The following NDUFA9 variants were observed in gnomAD, a reference collection of about 807,000 sequenced individuals.
The protein encoded by NDUFA9 is NADH dehydrogenase [ubiquinone] 1 alpha subcomplex subunit 9, mitochondrial.
A neutral mutation model predicts 45.9 loss-of-function variants in NDUFA9; 23 were observed. That is an observed-to-expected ratio of 0.50 (90% confidence interval 0.36 to 0.71). The LOEUF is 0.71. Among genes scored for constraint, NDUFA9 ranks in the 30% least tolerant of loss-of-function variants. The pLI, the probability that NDUFA9 is intolerant of heterozygous loss-of-function variation, is 0.00. For missense variants in NDUFA9, 466 were observed against 488.2 expected (o/e 0.95, Z 0.43); for synonymous variants, 176 against 170.5 (o/e 1.03, Z -0.25).
Position 4,687,269 on chromosome 12 carries a change from G to T in NDUFA9, c.*161G>T. On this transcript the variant is annotated 3_prime_UTR_variant, in exon 11 of 11. Transcript: ENST00000266544. ...TTTTCTTCCTTGATTTACAAAATGA[G>T]AAATGTAGTCACTTAGAACTTGAGC... is the stretch of plus-strand genomic sequence containing the variant. The T allele has an allele frequency of 3.2e-6, 2 of 631,674 alleles. No individual in the cohort carries two copies. Among genetic ancestry groups the T allele is most frequent in the African/African-American group, 1.9e-5 (1 of 54,038 alleles). 39.1% of individuals were successfully genotyped at this position (631,674 alleles called of 1,614,324 possible).
Position 4,688,902 on chromosome 12 carries a change from G to A in NDUFA9, c.*1794G>A, listed in dbSNP as rs1946003276. Reference sequence around the variant, plus strand: ...GAGATGGGTGGATTTAATTTGAAAAGGAACTATAATTCTATAATGCACAGT... The same window carrying A: ...GAGATGGGTGGATTTAATTTGAAAAAGAACTATAATTCTATAATGCACAGT... On this transcript the variant is annotated 3_prime_UTR_variant, in exon 11 of 11. Coordinates refer to ENST00000266544, the MANE Select transcript of NDUFA9 (RefSeq NM_005002.5). 1 of 152,132 alleles carries A rather than the reference G, an allele frequency of 6.6e-6. No homozygotes were observed. Among genetic ancestry groups the A allele is most frequent in the Admixed American group, 6.5e-5 (1 of 15,276 alleles). The allele number at this position is 152,132 out of a possible 1,614,324, so 9.4% of individuals were successfully genotyped here.
chr12:4,691,237 C>G lies in NDUFA9; in HGVS notation c.*4129C>G, dbSNP rs1211563139. Reference sequence around the variant, plus strand: ...AGATCATGCATGTAAAATGCTGAGCCCTGCACATAATAAGAACTAAGTAAA... The same window carrying G: ...AGATCATGCATGTAAAATGCTGAGCGCTGCACATAATAAGAACTAAGTAAA... On this transcript the variant is annotated 3_prime_UTR_variant, in exon 11 of 11. Transcript: ENST00000266544. 6.6e-6 allele frequency: 1 copy of G among 152,036 alleles called. No homozygotes were observed. Among genetic ancestry groups the G allele is most frequent in the Non-Finnish European group, 1.5e-5 (1 of 68,010 alleles). 9.4% of individuals were successfully genotyped at this position (152,036 alleles called of 1,614,324 possible).
chr12:4,686,756 C>G (rs1267461396), intron 10 of NDUFA9, among the ~76,000 whole-genome samples, 182 bp from the exon 11 acceptor site: 2 of 152,122 alleles, frequency 1.3e-5, no homozygotes, highest in Admixed American at 1.3e-4. Context: ...GTCTTAAGCC[C>G]TCTTTGTGTG....
Position 4,657,808 on chromosome 12 carries a change from A to C in NDUFA9, c.379A>C (p.Ile127Leu), listed in dbSNP as rs1353904541. 1 of 1,613,622 alleles carries C rather than the reference A, an allele frequency of 6.2e-7. No homozygotes were observed. The highest frequency in any genetic ancestry group is 8.5e-7 in the Non-Finnish European group (1 of 1,179,660). The change falls in exon 4 of 11, where the codon ATC becomes CTC. Residue 127 changes from isoleucine to leucine, a missense_variant. Transcript: ENST00000266544. ...AGTAGTACAACACAGCAATGTGGTCATCAATCTTATTGGACGAGACTGGGA... is the reference window on the plus strand; with the variant it reads ...AGTAGTACAACACAGCAATGTGGTCCTCAATCTTATTGGACGAGACTGGGA... ...RRVVQHSNVV[I>L]NLIGRDWETK...
intron 1 of NDUFA9, among the ~76,000 whole-genome samples, chr12:4,652,493 A>G (rs1591541510): frequency 6.6e-6 from 1 of 152,222 alleles, no homozygotes; most frequent in African/African-American, 2.4e-5. Context: ...TATTTATGCC[A>G]CCTACAGCCA....
Position 4,688,759 on chromosome 12 carries a change from A to ATG in NDUFA9, c.*1653_*1654dup, listed in dbSNP as rs375884974. On this transcript the variant is annotated 3_prime_UTR_variant, in exon 11 of 11. Coordinates refer to ENST00000266544, the MANE Select transcript of NDUFA9 (RefSeq NM_005002.5). Reference sequence around the variant, plus strand: ...CTAGTTTATTCTCCTGTACACTAGTATGTCAGAATCAGCGTACTAGGGAAA... The same window carrying ATG: ...CTAGTTTATTCTCCTGTACACTAGTATGTGTCAGAATCAGCGTACTAGGGAAA... 1.3e-5 allele frequency: 2 copies of ATG among 151,982 alleles called. No individual in the cohort carries two copies. The highest frequency in any genetic ancestry group is 2.9e-5 in the Non-Finnish European group (2 of 67,964). 9.4% of individuals were successfully genotyped at this position (151,982 alleles called of 1,614,324 possible).
chr12:4,668,625 T>G, intron 7 of NDUFA9, 101 bp downstream of exon 7: 1 of 1,096,416 alleles, frequency 9.1e-7, no homozygotes, highest in South Asian at 1.3e-5. Flanking sequence ...CTCTGTCATT[T>G]TCTTTGTCAA....
At chr12:4,665,779 A>G (rs1241164647) in intron 6 of NDUFA9, among the ~76,000 whole-genome samples, 1 of 148,044 alleles carries the variant, frequency 6.8e-6, no homozygotes, top group African/African-American at 2.5e-5. Context: ...CCATCCTAAT[A>G]GTTCTAAGGT....
intron 4 of NDUFA9, among the ~76,000 whole-genome samples, chr12:4,658,490 A>G (rs1945804426): frequency 6.6e-6 from 1 of 152,194 alleles, no homozygotes; most frequent in Admixed American, 6.5e-5. Context: ...TACCGAATGA[A>G]ATTGTTGACT....
chr12:4,677,354 G>A (rs1945925971), intron 8 of NDUFA9, among the ~76,000 whole-genome samples: 1 of 152,218 alleles, frequency 6.6e-6, no homozygotes, highest in Non-Finnish European at 1.5e-5. Flanking sequence ...TATCATCAGA[G>A]TGAACAGGCA....
chr12:4,666,293 TATC>T (rs1945852841), intron 6 of NDUFA9, among the ~76,000 whole-genome samples: 1 of 152,348 alleles, frequency 6.6e-6, no homozygotes, highest in African/African-American at 2.4e-5. Flanking sequence ...ATTAAATACT[TATC>T]AGATATGTGA....
At chr12:4,650,879 G>A (rs372250984) in intron 1 of NDUFA9, among the ~76,000 whole-genome samples, 27 of 152,272 alleles carry the variant, frequency 1.8e-4, no homozygotes, top group African/African-American at 6.3e-4. Context: ...TAGTGGAAAA[G>A]GAGGTTGAAT....
At chr12:4,677,473 AAGTG>A (rs1324964787) in intron 8 of NDUFA9, among the ~76,000 whole-genome samples, 11 of 152,182 alleles carry the variant, frequency 7.2e-5, no homozygotes, top group African/African-American at 2.4e-4. Context: ...CTTCATCAAA[AAGTG>A]AGCGAAAGAT....
intron 8 of NDUFA9, among the ~76,000 whole-genome samples, chr12:4,675,274 A>C (rs562334350): frequency 2.6e-5 from 4 of 152,206 alleles, no homozygotes; most frequent in Middle Eastern, 3.2e-3. Flanking sequence ...AGCAGGAACA[A>C]ACAAATTTAA....
chr12:4,663,868 G>T (rs1298755388), intron 6 of NDUFA9, among the ~76,000 whole-genome samples: 2 of 152,088 alleles, frequency 1.3e-5, no homozygotes, highest in Admixed American at 1.3e-4. Flanking sequence ...GGACGTTAAG[G>T]GTGATTTTTG....
intron 5 of NDUFA9, among the ~76,000 whole-genome samples, 196 bp from the exon 6 acceptor site, chr12:4,662,337 T>C (rs1245341408): frequency 6.6e-6 from 1 of 152,254 alleles, no homozygotes; most frequent in Non-Finnish European, 1.5e-5. Flanking sequence ...CAACCCAATC[T>C]GTAAGGTGCA....
Position 4,654,857 on chromosome 12 carries a change from C to A in NDUFA9, c.253C>A (p.Arg85=). Residue 85 remains arginine (R), a synonymous_variant, in exon 3 of 11, where the codon CGG becomes AGG. Transcript: ENST00000266544. Reference sequence around the variant, plus strand: ...GGGGTCACAGGTAATCATACCCTATCGGTGTGATAAATATGACATCATGCA... The same window carrying A: ...GGGGTCACAGGTAATCATACCCTATAGGTGTGATAAATATGACATCATGCA... The part of the protein sequence containing the change: ...RMGSQVIIPY[R]CDKYDIMHLR... 6.2e-7 allele frequency: 1 copy of A among 1,613,806 alleles called. No homozygotes were observed. The highest frequency in any genetic ancestry group is 8.5e-7 in the Non-Finnish European group (1 of 1,179,844).
chr12:4,672,708 G>GA (rs966246269), intron 8 of NDUFA9, among the ~76,000 whole-genome samples: 3 of 152,158 alleles, frequency 2.0e-5, no homozygotes, highest in Non-Finnish European at 4.4e-5. Context: ...AGGCATCTCT[G>GA]AAAAAAAGGC....
chr12:4,663,369 T>A (rs1012881792), intron 6 of NDUFA9, among the ~76,000 whole-genome samples: 1 of 152,026 alleles, frequency 6.6e-6, no homozygotes, highest in African/African-American at 2.4e-5. Flanking sequence ...TTGCGCCCCC[T>A]CATAATTCGT....
Sources: allele counts gnomAD v4.1 joint callset (sites outside exome capture counted in the v4.1 genomes callset), GRCh38; gene constraint gnomAD v4.1.1; transcripts MANE v1.5; gene names NCBI Gene and HGNC (gene_info 2026-07-23, HGNC 2026-07-21).